CNTN4: variants seen among roughly 807,000 people sequenced by gnomAD.
CNTN4 encodes contactin 4.
A neutral mutation model predicts 122.5 loss-of-function variants in CNTN4; 77 were observed. The ratio of observed to expected loss-of-function variants is 0.63; its 90% CI spans 0.52 to 0.76. The LOEUF is 0.76. CNTN4 is among the 30% of genes least tolerant of loss of function. The pLI, the probability that CNTN4 is intolerant of heterozygous loss-of-function variation, is 0.00. For missense variants in CNTN4, 1,256 were observed against 1,259.1 expected, an observed-to-expected ratio of 1.00 and a Z score of 0.04; for synonymous variants, 512 against 447.0, an observed-to-expected ratio of 1.15 and a Z score of -1.83.
Position 2,937,576 on chromosome 3 carries a change from T to TG in CNTN4, c.1358+11801dup, listed in dbSNP as rs1421889544. Among the ~76,000 whole-genome samples the TG allele has an allele frequency of 7.9e-5, 12 of 152,294 alleles. No homozygotes were observed. The East Asian group carries it at 2.3e-3, about 29-fold the overall frequency. ...ATATTTATGAATGGTCTAGTTCCGT[T>TG]GGGGAAGGAAAGAGAAGACAGCAAT... On this transcript the variant is annotated intron_variant, in intron 13 of 24. Coordinates refer to ENST00000418658, the MANE Select transcript of CNTN4 (RefSeq NM_175607.3).
In CNTN4 at chr3:3,016,136, C is replaced by A. The variant is rs9830370; in HGVS notation, c.1487-9966C>A. Among the ~76,000 whole-genome samples, 1,023 of 152,220 alleles carry A rather than the reference C, an allele frequency of 6.7e-3. 11 individuals carry two copies. Among genetic ancestry groups the A allele is most frequent in the African/African-American group, 0.023 (972 of 41,534 alleles). On this transcript the variant is annotated intron_variant, in intron 14 of 24. Transcript: ENST00000418658. ...CCCATTTATGATTCTTTTTTATCTT[C>A]CATCACAGTCAAAGGCACGCCATAG...
chr3:2,471,703 A>G (rs2075690149), intron 3 of CNTN4, among the ~76,000 whole-genome samples: 1 of 152,182 alleles, frequency 6.6e-6, no homozygotes. Context: ...TGATCATGGC[A>G]TGTGCCAACG....
chr3:2,689,968 A>G (rs1207070802), intron 4 of CNTN4, among the ~76,000 whole-genome samples: 1 of 152,102 alleles, frequency 6.6e-6, no homozygotes, highest in Non-Finnish European at 1.5e-5. Context: ...CCCAAAAACT[A>G]AGATCATATG....
At chr3:2,280,902 A>G (rs1307098311) in intron 2 of CNTN4, among the ~76,000 whole-genome samples, 1 of 152,196 alleles carries the variant, frequency 6.6e-6, no homozygotes, top group Non-Finnish European at 1.5e-5. Context: ...CACTGGCATC[A>G]ACCTCCAACA....
At chr3:2,286,503 CATAA>C (rs1460206641) in intron 2 of CNTN4, among the ~76,000 whole-genome samples, 1 of 151,740 alleles carries the variant, frequency 6.6e-6, no homozygotes, top group Admixed American at 6.6e-5. Context: ...ACAAGAGTAA[CATAA>C]AACTTACAAT....
intron 2 of CNTN4, among the ~76,000 whole-genome samples, chr3:2,155,674 C>T (rs1211749465): frequency 6.6e-6 from 1 of 152,094 alleles, no homozygotes; most frequent in Middle Eastern, 3.2e-3. Context: ...GAGATTTGGA[C>T]CTCCAAGTTG....
At chr3:3,006,361 G>GAA (rs1177023141) in intron 14 of CNTN4, among the ~76,000 whole-genome samples, 1 of 152,118 alleles carries the variant, frequency 6.6e-6, no homozygotes, top group East Asian at 1.9e-4. Context: ...ATGGATGGAA[G>GAA]AATGAATTAA....
intron 7 of CNTN4, among the ~76,000 whole-genome samples, chr3:2,843,261 T>C (rs1449343312): frequency 6.6e-6 from 1 of 152,086 alleles, no homozygotes. Flanking sequence ...TATTTATTTA[T>C]TTCCATGCCA....
intron 4 of CNTN4, among the ~76,000 whole-genome samples, chr3:2,597,183 C>A (rs2080809094): frequency 6.6e-6 from 1 of 152,298 alleles, no homozygotes; most frequent in South Asian, 2.1e-4. Context: ...TCTTTTGCAG[C>A]TACTACTACC....
At chr3:2,508,241 C>T (rs766330379) in intron 3 of CNTN4, among the ~76,000 whole-genome samples, 13 of 152,128 alleles carry the variant, frequency 8.5e-5, no homozygotes, top group Non-Finnish European at 1.9e-4. Context: ...ATTATCATTC[C>T]AGTAGGTGCC....
chr3:2,624,721 T>A (rs940113276), intron 4 of CNTN4, among the ~76,000 whole-genome samples: 1 of 136,296 alleles, frequency 7.3e-6, no homozygotes, highest in African/African-American at 2.7e-5. Context: ...AACCTCCGCC[T>A]CCCGGGTTCA....
intron 3 of CNTN4, among the ~76,000 whole-genome samples, chr3:2,356,872 A>G (rs1391470460): frequency 6.6e-6 from 1 of 152,190 alleles, no homozygotes; most frequent in East Asian, 1.9e-4. Context: ...CCTTCTTTGG[A>G]ATATCTAGCT....
intron 24 of CNTN4, among the ~76,000 whole-genome samples, chr3:3,055,458 A>G (rs1008653392): frequency 6.6e-6 from 1 of 152,226 alleles, no homozygotes; most frequent in Non-Finnish European, 1.5e-5. Context: ...GAGATTTTTC[A>G]TCATGTTGGT....
At chr3:2,282,124 A>G (rs1462786521) in intron 2 of CNTN4, among the ~76,000 whole-genome samples, 1 of 152,120 alleles carries the variant, frequency 6.6e-6, no homozygotes, top group Non-Finnish European at 1.5e-5. Flanking sequence ...CTAGGAGGTC[A>G]TTGATATAAA....
At chr3:2,788,331 G>A (rs1347461256) in intron 6 of CNTN4, among the ~76,000 whole-genome samples, 1 of 152,108 alleles carries the variant, frequency 6.6e-6, no homozygotes, top group Non-Finnish European at 1.5e-5. Flanking sequence ...TCATTTCACT[G>A]TATGATATAA....
chr3:2,364,222 A>AT lies in CNTN4; in HGVS notation c.-89+24991dup, dbSNP rs529165324. ...CTGGCAGTACAACTTTAACCCTCTG[A>AT]TTCGCTGAGACATTTTTTATTAAAT... On this transcript the variant is annotated intron_variant, in intron 3 of 24. Coordinates refer to ENST00000418658, the MANE Select transcript of CNTN4 (RefSeq NM_175607.3). Among the ~76,000 whole-genome samples, 55 of 152,300 alleles carry AT rather than the reference A, an allele frequency of 3.6e-4. 1 individual carries two copies. Among genetic ancestry groups the AT allele is most frequent in the Admixed American group, 1.2e-3 (18 of 15,298 alleles).
chr3:2,230,537 A>AAGAACCCATATTATT (rs2039445058), intron 2 of CNTN4, among the ~76,000 whole-genome samples: 1 of 152,204 alleles, frequency 6.6e-6, no homozygotes, highest in Admixed American at 6.5e-5. Context: ...TGCCCAGTGA[A>AAGAACCCATATTATT]GATAGGATTG....
intron 23 of CNTN4, among the ~76,000 whole-genome samples, chr3:3,053,484 T>C (rs1381567176): frequency 1.3e-5 from 2 of 152,250 alleles, no homozygotes; most frequent in Admixed American, 1.3e-4. Context: ...GATGTGTAAC[T>C]GAGCACTGTA....
intron 3 of CNTN4, among the ~76,000 whole-genome samples, chr3:2,440,199 AG>A (rs1187532353): frequency 6.6e-6 from 1 of 152,206 alleles, no homozygotes; most frequent in Non-Finnish European, 1.5e-5. Context: ...CGTGCAGGTT[AG>A]TTACATATGT....
Sources: allele counts gnomAD v4.1 joint callset (sites outside exome capture counted in the v4.1 genomes callset), GRCh38; gene constraint gnomAD v4.1.1; transcripts MANE v1.5; gene names NCBI Gene and HGNC (gene_info 2026-07-23, HGNC 2026-07-21).